Variants in EDA observed in about 807,000 individuals in gnomAD.
The protein encoded by EDA is ectodysplasin A.
EDA carries 2 observed loss-of-function variants against 23.6 expected under a neutral mutation model. The ratio of observed to expected loss-of-function variants is 0.08; its 90% confidence interval spans 0.03 to 0.27. EDA has a LOEUF of 0.27. Ranked by LOEUF, EDA falls within the 10% of genes least tolerant of loss-of-function variation. EDA has a pLI of 1.00. For missense variants in EDA, 229 were observed against 324.2 expected (o/e 0.71, Z 2.26); for synonymous variants, 131 against 132.0 (o/e 0.99, Z 0.05).
At chrX:69,812,971 G>A (rs986306580) in intron 1 of EDA, among the ~76,000 whole-genome samples, 3 of 111,519 alleles carry the variant, frequency 2.7e-5, no homozygotes, top group African/African-American at 9.8e-5. Flanking sequence ...GAAACTGTGT[G>A]TTCTTCTTAC....
intron 4 of EDA, among the ~76,000 whole-genome samples, chrX:70,028,420 A>G (rs2020150846): frequency 8.9e-6 from 1 of 112,353 alleles, no homozygotes; most frequent in African/African-American, 3.2e-5. Context: ...CCCAGCATCT[A>G]GCTCCACATG....
intron 2 of EDA, among the ~76,000 whole-genome samples, chrX:69,999,489 G>A (rs2019708593): frequency 1.8e-5 from 2 of 109,733 alleles, no homozygotes; most frequent in Admixed American, 9.7e-5. Flanking sequence ...AGTGGCAGGT[G>A]CCTGTAATCC....
chrX:69,696,648 T>G (rs1257305062), intron 1 of EDA, among the ~76,000 whole-genome samples: 3 of 112,074 alleles, frequency 2.7e-5, no homozygotes, highest in Non-Finnish European at 5.6e-5. Context: ...GATTAGGATT[T>G]TCAACTCTTA....
chrX:69,628,177 C>T (rs992071163), intron 1 of EDA, among the ~76,000 whole-genome samples: 3 of 112,145 alleles, frequency 2.7e-5, no homozygotes, highest in Non-Finnish European at 5.6e-5. Context: ...TCCTGCCACA[C>T]CAGTGGCCTA....
intron 1 of EDA, 81 bp downstream of exon 1, chrX:69,616,785 C>T (rs1931977347): frequency 8.6e-7 from 1 of 1,159,022 alleles, no homozygotes; most frequent in African/African-American, 1.8e-5. Context: ...GGCCTGGGAG[C>T]ACTCAGCAAC....
intron 2 of EDA, among the ~76,000 whole-genome samples, chrX:70,021,539 A>G (rs1040647586): frequency 9.0e-6 from 1 of 111,295 alleles, no homozygotes; most frequent in African/African-American, 3.3e-5. Context: ...ATTAATGTCT[A>G]TGTAGTTGTG....
chrX:69,917,431 C>T (rs186450526), intron 1 of EDA, among the ~76,000 whole-genome samples: 1 of 111,963 alleles, frequency 8.9e-6, no homozygotes, highest in African/African-American at 3.2e-5. Flanking sequence ...TTGCCATTTA[C>T]ATATTTGGTC....
chrX:69,682,799 G>A (rs1044607433), intron 1 of EDA, among the ~76,000 whole-genome samples: 2 of 111,359 alleles, frequency 1.8e-5, no homozygotes, highest in East Asian at 5.7e-4. Context: ...ACTCTCCCTG[G>A]GAGCTGTAGA....
intron 1 of EDA, among the ~76,000 whole-genome samples, chrX:69,919,339 A>G (rs1753090705): frequency 8.9e-6 from 1 of 112,430 alleles, no homozygotes; most frequent in Admixed American, 9.4e-5. Context: ...CCAAAGGAAT[A>G]ACAGAATACA....
At chrX:69,650,303 A>T (rs1933063311) in intron 1 of EDA, among the ~76,000 whole-genome samples, 1 of 112,118 alleles carries the variant, frequency 8.9e-6, no homozygotes, top group Non-Finnish European at 1.9e-5. Context: ...GCGGCAAACA[A>T]AACAGATAGT....
intron 1 of EDA, among the ~76,000 whole-genome samples, chrX:69,742,580 G>C (rs1409519984): frequency 8.9e-6 from 1 of 111,975 alleles, no homozygotes; most frequent in Non-Finnish European, 1.9e-5. Flanking sequence ...ACAAACTGTG[G>C]TTGTTTAACT....
intron 1 of EDA, among the ~76,000 whole-genome samples, chrX:69,685,441 C>T (rs781046976): frequency 9.0e-6 from 1 of 111,125 alleles, no homozygotes; most frequent in Non-Finnish European, 1.9e-5. Flanking sequence ...GAAACTAGTA[C>T]AATAAATATT....
chrX:69,653,382 A>C (rs1447078362), intron 1 of EDA, among the ~76,000 whole-genome samples: 1 of 111,419 alleles, frequency 9.0e-6, no homozygotes, highest in Admixed American at 9.6e-5. Context: ...TGGGCTGAGA[A>C]GATGGGGTTT....
chrX:69,675,040 G>A (rs1236187714), intron 1 of EDA, among the ~76,000 whole-genome samples: 2 of 111,275 alleles, frequency 1.8e-5, no homozygotes, highest in African/African-American at 6.5e-5. Flanking sequence ...CTGCAGTGTA[G>A]TGGTGTGACC....
intron 1 of EDA, among the ~76,000 whole-genome samples, chrX:69,730,264 A>G (rs886590806): frequency 8.9e-6 from 1 of 111,917 alleles, no homozygotes; most frequent in African/African-American, 3.2e-5. Context: ...TGCTCAGTGT[A>G]TTAGGTGCTC....
intron 1 of EDA, among the ~76,000 whole-genome samples, chrX:69,803,674 A>T (rs558213166): frequency 4.5e-5 from 5 of 111,076 alleles, no homozygotes; most frequent in Admixed American, 9.6e-5. Flanking sequence ...GGAAGCATTC[A>T]GTAGCCTCCC....
chrX:69,715,507 T>A (rs1185792021), intron 1 of EDA, among the ~76,000 whole-genome samples: 1 of 111,860 alleles, frequency 8.9e-6, no homozygotes, highest in South Asian at 3.7e-4. Flanking sequence ...GACATTTACA[T>A]TGATTCCATG....
intron 1 of EDA, among the ~76,000 whole-genome samples, chrX:69,785,047 G>T (rs1431763079): frequency 1.7e-4 from 18 of 106,967 alleles, no homozygotes; most frequent in Admixed American, 7.1e-4. Context: ...TTATTCTCTT[G>T]GAAGCAATTG....
chrX:69,893,583 G>A (rs1020133885), intron 1 of EDA, among the ~76,000 whole-genome samples: 1 of 112,163 alleles, frequency 8.9e-6, no homozygotes. Flanking sequence ...CTTCAGATCA[G>A]TTCATGTTCC....
Sources: allele counts gnomAD v4.1 joint callset (sites outside exome capture counted in the v4.1 genomes callset), GRCh38; gene constraint gnomAD v4.1.1; transcripts MANE v1.5; gene names NCBI Gene and HGNC (gene_info 2026-07-23, HGNC 2026-07-21).